TAFA2: variants seen among roughly 807,000 people sequenced by gnomAD.
The protein encoded by TAFA2 is TAFA chemokine like family member 2, also known as chemokine-like protein TAFA-2.
A neutral mutation model predicts 18.8 loss-of-function variants in TAFA2; 7 were observed. That is an observed-to-expected ratio of 0.37 (90% CI 0.21 to 0.70). The LOEUF (loss-of-function observed/expected upper bound fraction) is 0.70, where lower values mean the gene tolerates loss of function less well. Among genes scored for constraint, TAFA2 ranks in the 30% least tolerant of loss-of-function variants. The pLI, the probability that TAFA2 is intolerant of heterozygous loss-of-function variation, is 0.53. For missense variants in TAFA2, 122 were observed against 158.1 expected (o/e 0.77, Z 1.23); for synonymous variants, 60 against 54.2 (o/e 1.11, Z -0.47).
chr12:61,883,227 T>C (rs980474703), intron 1 of TAFA2, among the ~76,000 whole-genome samples: 1 of 152,212 alleles, frequency 6.6e-6, no homozygotes, highest in Non-Finnish European at 1.5e-5. Context: ...TGATAATGTA[T>C]TGTTTTTCAT....
intron 1 of TAFA2, among the ~76,000 whole-genome samples, chr12:61,929,435 C>T (rs1565685237): frequency 6.6e-6 from 1 of 152,064 alleles, no homozygotes; most frequent in African/African-American, 2.4e-5. Flanking sequence ...CAGAAAAATG[C>T]AAATCAAAAC....
intron 1 of TAFA2, among the ~76,000 whole-genome samples, chr12:62,026,972 G>A (rs925944772): frequency 5.9e-5 from 9 of 152,016 alleles, no homozygotes; most frequent in Non-Finnish European, 1.2e-4. Context: ...GCTCGAAGAC[G>A]TATTTTTTCC....
chr12:62,101,986 T>C (rs1266263875), intron 1 of TAFA2, among the ~76,000 whole-genome samples: 3 of 151,838 alleles, frequency 2.0e-5, no homozygotes, highest in Non-Finnish European at 2.9e-5. Context: ...TGGAGAAAGA[T>C]TCATAGAAAA....
intron 1 of TAFA2, among the ~76,000 whole-genome samples, chr12:62,071,091 C>T (rs1882618683): frequency 6.6e-6 from 1 of 152,180 alleles, no homozygotes; most frequent in African/African-American, 2.4e-5. Flanking sequence ...GTTCTGAGTA[C>T]TGTGAATACA....
chr12:61,963,333 T>C (rs530846622), intron 1 of TAFA2, among the ~76,000 whole-genome samples: 1 of 151,626 alleles, frequency 6.6e-6, no homozygotes, highest in South Asian at 2.1e-4. Context: ...GCATTCCTGT[T>C]TCGCCACATC....
intron 1 of TAFA2, among the ~76,000 whole-genome samples, chr12:62,207,915 T>C (rs1250260733): frequency 5.9e-5 from 9 of 152,132 alleles, no homozygotes; most frequent in Non-Finnish European, 1.3e-4. Flanking sequence ...TCAGGTAACT[T>C]CGGCACTGGG....
At chr12:61,977,442 T>C (rs1244937856) in intron 1 of TAFA2, among the ~76,000 whole-genome samples, 1 of 152,070 alleles carries the variant, frequency 6.6e-6, no homozygotes, top group Non-Finnish European at 1.5e-5. Context: ...ACCTTATTGT[T>C]TGACTTTCCT....
At chr12:61,741,352 T>TAC (rs887288355) in intron 4 of TAFA2, among the ~76,000 whole-genome samples, 72 of 151,650 alleles carry the variant, frequency 4.7e-4, no homozygotes, top group South Asian at 1.5e-3. Flanking sequence ...TTTACATGCA[T>TAC]ACACACACAC....
chr12:61,795,683 A>C (rs979550814), intron 2 of TAFA2, among the ~76,000 whole-genome samples: 10 of 152,002 alleles, frequency 6.6e-5, no homozygotes, highest in Admixed American at 6.6e-4. Flanking sequence ...TATGTAACAA[A>C]CCTGCATGTT....
chr12:62,038,173 T>C (rs1881660155), intron 1 of TAFA2, among the ~76,000 whole-genome samples: 1 of 152,144 alleles, frequency 6.6e-6, no homozygotes, highest in South Asian at 2.1e-4. Context: ...TCTTGAGATT[T>C]GATGTACAAC....
chr12:61,783,898 A>G (rs1215137710), intron 2 of TAFA2, among the ~76,000 whole-genome samples: 3 of 151,588 alleles, frequency 2.0e-5, no homozygotes, highest in African/African-American at 7.3e-5. Context: ...GCTTTTACTA[A>G]TAGCTTATTT....
intron 1 of TAFA2, among the ~76,000 whole-genome samples, chr12:62,226,919 C>A (rs1284357073): frequency 6.6e-6 from 1 of 152,172 alleles, no homozygotes; most frequent in Non-Finnish European, 1.5e-5. Context: ...AGCAGCTAAA[C>A]CACTTCTCCT....
At chr12:61,901,889 T>C (rs1876117461) in intron 1 of TAFA2, among the ~76,000 whole-genome samples, 1 of 152,120 alleles carries the variant, frequency 6.6e-6, no homozygotes, top group Non-Finnish European at 1.5e-5. Context: ...TTCTGTTTCT[T>C]TGAATATTTT....
intron 2 of TAFA2, among the ~76,000 whole-genome samples, chr12:61,853,087 G>A (rs148629228): frequency 1.3e-3 from 201 of 152,252 alleles, no homozygotes; most frequent in African/African-American, 4.0e-3. Context: ...GTGAGGTGAT[G>A]AATAGGTTAA....
intron 1 of TAFA2, among the ~76,000 whole-genome samples, chr12:62,100,645 C>T (rs1290979896): frequency 6.6e-6 from 1 of 152,190 alleles, no homozygotes; most frequent in Non-Finnish European, 1.5e-5. Context: ...CTTTCTATAA[C>T]AATGAAGATC....
chr12:62,077,881 T>A (rs941172973), intron 1 of TAFA2, among the ~76,000 whole-genome samples: 1 of 152,188 alleles, frequency 6.6e-6, no homozygotes, highest in South Asian at 2.1e-4. Context: ...TACTTCTATA[T>A]CACAGGGACC....
At chr12:62,225,004 G>T (rs982533201) in intron 1 of TAFA2, among the ~76,000 whole-genome samples, 1 of 152,132 alleles carries the variant, frequency 6.6e-6, no homozygotes, top group Admixed American at 6.5e-5. Context: ...AGAGGCAGGA[G>T]AATCACTTGA....
chr12:62,021,470 C>G, intron 1 of TAFA2: 1 of 433,116 alleles, frequency 2.3e-6, no homozygotes, highest in Non-Finnish European at 4.2e-6. Flanking sequence ...TCCACTGCAT[C>G]ATTCTTTTTT....
chr12:62,191,719 A>C lies in TAFA2; in HGVS notation c.-462T>G, dbSNP rs1439183543. 1 of 152,178 alleles carries C rather than the reference A, an allele frequency of 6.6e-6. No homozygotes were observed. Among genetic ancestry groups the C allele is most frequent in the Admixed American group, 6.5e-5 (1 of 15,288 alleles). The allele number at this position is 152,178 out of a possible 1,614,324, so 9.4% of individuals were successfully genotyped here. On this transcript the variant is annotated 5_prime_UTR_variant, in exon 1 of 5. Coordinates refer to ENST00000416284, the MANE Select transcript of TAFA2 (RefSeq NM_178539.5). ...TCAGCTCCCTGGACTGCAAGAATCA[A>C]GGCGGTCTTGCTGCAATTACCGCTC... is the stretch of plus-strand genomic sequence containing the variant.
Sources: gnomAD v4.1 joint callset for allele counts (sites outside exome capture counted in the v4.1 genomes callset) on GRCh38, gnomAD v4.1.1 for gene constraint, MANE v1.5 for transcripts, NCBI Gene and HGNC (gene_info 2026-07-23, HGNC 2026-07-21) for gene names.